Variants in MACF1 observed in about 807,000 individuals in gnomAD.
The protein encoded by MACF1 is microtubule actin crosslinking factor 1.
A neutral mutation model predicts 854.8 loss-of-function variants in MACF1; 193 were observed. That is an observed-to-expected ratio of 0.23 (90% CI 0.20 to 0.25). The LOEUF (loss-of-function observed/expected upper bound fraction) is 0.25, where lower values mean the gene tolerates loss of function less well. Among genes scored for constraint, MACF1 ranks in the 10% least tolerant of loss-of-function variants. MACF1 has a pLI of 1.00. For synonymous variants in MACF1, 3,185 were observed against 3,226.7 expected, an observed-to-expected ratio of 0.99 and a Z score of 0.44; for missense variants, 7,722 against 8,929.1, an observed-to-expected ratio of 0.86 and a Z score of 5.45.
intron 1 of MACF1, among the ~76,000 whole-genome samples, chr1:39,225,217 CTTTTTTTT>C (rs139578945): frequency 8.5e-4 from 107 of 125,196 alleles, no homozygotes; most frequent in Admixed American, 2.5e-3. Flanking sequence ...TTTCTTTTTT[CTTTTTTTT>C]TTGAGACGGA....
chr1:39,407,222 A>T (rs1365746888), intron 58 of MACF1, among the ~76,000 whole-genome samples: 1 of 152,312 alleles, frequency 6.6e-6, no homozygotes, highest in South Asian at 2.1e-4. Flanking sequence ...TTGGTTTTAA[A>T]TCTCACATCT....
intron 80 of MACF1, among the ~76,000 whole-genome samples, chr1:39,445,946 A>G (rs964526591): frequency 6.6e-6 from 1 of 152,222 alleles, no homozygotes; most frequent in Non-Finnish European, 1.5e-5. Context: ...GGTGACATCA[A>G]TAACCTATCT....
In MACF1 at chr1:39,133,760, C is replaced by T. The variant is rs537701478; in HGVS notation, c.220+49322C>T. Reference sequence around the variant, plus strand: ...TTACTACTTCCAGAATTTTCAAGTACGATACATTGTTTGCTGTACAATACA... The same window carrying T: ...TTACTACTTCCAGAATTTTCAAGTATGATACATTGTTTGCTGTACAATACA... On this transcript the variant is annotated intron_variant, in intron 2 of 93. Coordinates refer to the MACF1 transcript ENST00000361689. Among the ~76,000 whole-genome samples, 7 of 152,178 alleles carry T rather than the reference C, an allele frequency of 4.6e-5. No homozygotes were observed. In the South Asian group the frequency reaches 8.3e-4, roughly 18 times the overall value.
At chr1:39,197,246 C>T (rs746336591) in intron 2 of MACF1, among the ~76,000 whole-genome samples, 30 of 149,674 alleles carry the variant, frequency 2.0e-4, no homozygotes, top group South Asian at 2.1e-4. Flanking sequence ...TAAATATATA[C>T]ACACACACAC....
chr1:39,433,179 C>T (rs776568916), intron 68 of MACF1, 24 bp downstream of exon 68: 1 of 1,384,116 alleles, frequency 7.2e-7, no homozygotes, highest in East Asian at 2.3e-5. Flanking sequence ...ATTTATTTGC[C>T]ATATTGTTCC....
chr1:39,427,406 T>C, intron 61 of MACF1, 49 bp from the exon 62 acceptor site: 1 of 1,565,720 alleles, frequency 6.4e-7, no homozygotes, highest in Non-Finnish European at 8.7e-7. Context: ...TATTACCAGT[T>C]TTAATGTGAC....
rs754072174 is a variant in MACF1, at chr1:39,316,527, C to A, written c.3586C>A (p.Arg1196=). The A allele has an allele frequency of 6.2e-7, 1 of 1,611,546 alleles. No individual in the cohort carries two copies. The highest frequency in any genetic ancestry group is 1.7e-5 in the Admixed American group (1 of 59,782). The change falls in exon 28 of 101, where the codon CGG becomes AGG. Residue 1196 remains arginine (R), a splice_region_variant and synonymous_variant. Transcript: ENST00000564288. ...TCTGGAGGCCCATTGGTCGACATTA[C>A]GGGTGAGTTGCTCTGAGTTTCTTAG... is the stretch of plus-strand genomic sequence containing the variant. The part of the protein sequence containing the change: ...SALEAHWSTL[R]HWLSDVKDKN...
chr1:39,350,815 A>G lies in MACF1; in HGVS notation c.10996A>G (p.Thr3666Ala), dbSNP rs757987575. ...DLQDDIQNRATSFATVVKDIE... is the reference protein window; with the variant it reads ...DLQDDIQNRAASFATVVKDIE... Reference sequence around the variant, plus strand: ...ACAGGATGACATTCAGAATCGTGCCACCTCATTTGCCACTGTTGTCAAGGA... The same window carrying G: ...ACAGGATGACATTCAGAATCGTGCCGCCTCATTTGCCACTGTTGTCAAGGA... Residue 3666 changes from threonine (T) to alanine (A), a missense_variant, in exon 43 of 101, where the codon ACC (threonine) becomes GCC (alanine). Physicochemically the swap from Thr to Ala is moderately conservative, Grantham distance 58 (BLOSUM62 0). Coordinates refer to ENST00000564288, the MANE Select transcript of MACF1 (RefSeq NM_001394062.1). 12 of 1,613,952 alleles carry G rather than the reference A, an allele frequency of 7.4e-6. No individual in the cohort carries two copies. Among genetic ancestry groups the G allele is most frequent in the Non-Finnish European group, 9.3e-6 (11 of 1,179,904 alleles).
chr1:39,393,196 A>ATATATAT lies in MACF1; in HGVS notation c.15816+4538_15816+4539insTATATAT, dbSNP rs1553345252. 4.4e-3 allele frequency among the ~76,000 whole-genome samples: 293 copies of ATATATAT among 66,510 alleles called. 1 individual carries two copies. The highest frequency in any genetic ancestry group is 6.4e-3 in the East Asian group (15 of 2,342). 43.6% of individuals were successfully genotyped at this position (66,510 alleles called of 152,430 possible). On this transcript the variant is annotated intron_variant, in intron 58 of 100. Transcript: ENST00000564288. ...CTGGGAAGGGTAAAAAAAAAAAAAA[A>ATATATAT]ATATATATATATATATATATATATA...
At chr1:39,200,233 G>T (rs182616580), upstream of MACF1, among the ~76,000 whole-genome samples, 74 of 152,290 alleles carry the variant, frequency 4.9e-4, no homozygotes, top group Middle Eastern at 3.4e-3. Context: ...TTCTGGGATA[G>T]CTTACTCTTT....
chr1:39,315,590 G>A lies in MACF1; in HGVS notation c.3348G>A (p.Gln1116=). 6.2e-7 allele frequency: 1 copy of A among 1,614,130 alleles called. No homozygotes were observed. ...VSMKCDSFLH[Q]SPSSSSVPTL... Reference sequence around the variant, plus strand: ...TGAAATGTGACAGCTTTCTCCATCAGTCTCCATCTAGTTCAAGTGTCCCAA... The same window carrying A: ...TGAAATGTGACAGCTTTCTCCATCAATCTCCATCTAGTTCAAGTGTCCCAA... Residue 1116 remains glutamine, a synonymous_variant, in exon 27 of 101, where the codon CAG becomes CAA. Coordinates refer to ENST00000564288, the MANE Select transcript of MACF1 (RefSeq NM_001394062.1).
intron 44 of MACF1, among the ~76,000 whole-genome samples, chr1:39,356,617 A>C (rs921893462): frequency 5.3e-5 from 8 of 152,126 alleles, no homozygotes; most frequent in African/African-American, 1.9e-4. Flanking sequence ...GTGATCTGCC[A>C]GCCTCGGCCT....
At chr1:39,241,741 CTTA>C (rs959973009) in intron 2 of MACF1, among the ~76,000 whole-genome samples, 1 of 149,548 alleles carries the variant, frequency 6.7e-6, no homozygotes, top group Non-Finnish European at 1.5e-5. Context: ...AGGGGGGACT[CTTA>C]TTATTTAAAA....
intron 2 of MACF1, among the ~76,000 whole-genome samples, chr1:39,127,718 C>G (rs1422449368): frequency 6.6e-6 from 1 of 152,100 alleles, no homozygotes; most frequent in Non-Finnish European, 1.5e-5. Context: ...GGGAAGTGAC[C>G]TTTACTTGTG....
chr1:39,455,189 GC>G lies in MACF1; in HGVS notation c.21075+93del, dbSNP rs1208896813. Reference sequence around the variant, plus strand: ...CCTGTGTATATGTTTTTAAATGGCTGCTTAACACATTACCACAGACTTAGCA... The same window carrying G: ...CCTGTGTATATGTTTTTAAATGGCTGTTAACACATTACCACAGACTTAGCA... On this transcript the variant is annotated intron_variant, in intron 89 of 100. Coordinates refer to ENST00000564288, the MANE Select transcript of MACF1 (RefSeq NM_001394062.1). The G allele has an allele frequency of 4.4e-4, 548 of 1,237,240 alleles. 2 individuals are homozygous for G. Among genetic ancestry groups the G allele is most frequent in the Middle Eastern group, 3.9e-4 (2 of 5,124 alleles). 76.6% of individuals were successfully genotyped at this position (1,237,240 alleles called of 1,614,324 possible).
In MACF1 at chr1:39,331,973, T is replaced by A. The variant is rs1441461839; in HGVS notation, c.5385T>A (p.Ile1795=). The change falls in exon 37 of 101, where the codon ATT becomes ATA. Residue 1795 remains isoleucine, a synonymous_variant. Transcript: ENST00000564288. ...TVEEAVRHNL[I]DQDMACAILI... is the part of the protein sequence containing the mutation. ...AAGAGGCTGTAAGACATAATCTGAT[T>A]GACCAAGATATGGCCTGTGCTATCC... 1.2e-6 allele frequency: 2 copies of A among 1,614,042 alleles called. No homozygotes were observed. The highest frequency in any genetic ancestry group is 1.7e-6 in the Non-Finnish European group (2 of 1,180,014).
intron 28 of MACF1, 41 bp from the exon 29 acceptor site, chr1:39,317,173 T>C (rs1331324377): frequency 1.9e-6 from 3 of 1,590,128 alleles, no homozygotes; most frequent in Non-Finnish European, 2.6e-6. Flanking sequence ...CTTTTTAGCA[T>C]GGAAAGTATA....
Position 39,296,771 on chromosome 1 carries a change from GA to G in MACF1, c.2356-845del, listed in dbSNP as rs141062011. The stretch of plus-strand genomic sequence containing the variant: ...GAAAGAAAGGAAGGAAGGAAGGAAG[GA>G]AAAGAAAGAAAGAAAGAAAGGAAGG... On this transcript the variant is annotated intron_variant, in intron 20 of 100. Transcript: ENST00000564288. Among the ~76,000 whole-genome samples, 9 of 92,796 alleles carry G rather than the reference GA, an allele frequency of 9.7e-5. 1 individual carries two copies. The highest frequency in any genetic ancestry group is 4.3e-4 in the Admixed American group (4 of 9,312). The allele number at this position is 92,796 out of a possible 152,430, so 60.9% of individuals were successfully genotyped here.
chr1:39,294,031 A>AC (rs984286663), intron 18 of MACF1, among the ~76,000 whole-genome samples: 1 of 152,000 alleles, frequency 6.6e-6, no homozygotes, highest in Admixed American at 6.6e-5. Context: ...CTTCAAAGCT[A>AC]CCCCCTCCCC....
Sources: gnomAD v4.1 joint callset for allele counts (sites outside exome capture counted in the v4.1 genomes callset) on GRCh38, gnomAD v4.1.1 for gene constraint, MANE v1.5 for transcripts, NCBI Gene and HGNC (gene_info 2026-07-23, HGNC 2026-07-21) for gene names.